Variants in GUCD1 observed in about 807,000 individuals in gnomAD.
GUCD1 encodes the protein protein GUCD1.
In GUCD1, 17 loss-of-function variants were observed where a neutral mutation model predicts 28.3. That is an observed-to-expected ratio of 0.60 (90% CI 0.41 to 0.90). GUCD1 has a LOEUF of 0.90. Among genes scored for constraint, GUCD1 ranks in the 40% least tolerant of loss-of-function variants. The pLI is 0.00. For synonymous variants in GUCD1, 129 were observed against 123.3 expected, an observed-to-expected ratio of 1.05 and a Z score of -0.30; for missense variants, 279 against 305.5, an observed-to-expected ratio of 0.91 and a Z score of 0.65.
intron 1 of GUCD1, among the ~76,000 whole-genome samples, chr22:24,550,451 C>G (rs116173816): frequency 6.6e-6 from 1 of 152,178 alleles, no homozygotes; most frequent in Non-Finnish European, 1.5e-5. Context: ...GACCCTCCTC[C>G]GTAGCCACCT....
At chr22:24,551,617 G>C (rs908498956) in intron 1 of GUCD1, among the ~76,000 whole-genome samples, 9 of 152,188 alleles carry the variant, frequency 5.9e-5, no homozygotes, top group African/African-American at 2.2e-4. Flanking sequence ...CTGTTCTCAA[G>C]GTTGTGTCCC....
chr22:24,555,296 C>A (rs963004251), upstream of GUCD1: 11 of 1,392,866 alleles, frequency 7.9e-6, no homozygotes, highest in African/African-American at 1.3e-4. Flanking sequence ...GTGGCCCCAC[C>A]CTCTCGCCCA....
At chr22:24,544,873 C>T (rs559152695) in intron 4 of GUCD1, among the ~76,000 whole-genome samples, 2 of 152,076 alleles carry the variant, frequency 1.3e-5, no homozygotes, top group South Asian at 4.2e-4. Context: ...ATTTACCAGG[C>T]GTGGGGCGTG....
At chr22:24,555,564 A>G, upstream of GUCD1, 1 of 1,538,528 alleles carries the variant, frequency 6.5e-7, no homozygotes, top group Non-Finnish European at 8.8e-7. Flanking sequence ...TCTACTCTAT[A>G]CCTAACTTTA....
At chr22:24,548,602 TC>T (rs1303788438) in intron 2 of GUCD1, among the ~76,000 whole-genome samples, 1 of 152,080 alleles carries the variant, frequency 6.6e-6, no homozygotes, top group Non-Finnish European at 1.5e-5. Context: ...CACCCCATTC[TC>T]CCAGGAGCCA....
rs759249277 is a variant in GUCD1, at chr22:24,543,082, C to G, written c.644G>C (p.Ser215Thr). The change falls in exon 6 of 6, where the codon AGC becomes ACC. Residue 215 changes from serine (S) to threonine (T), a missense_variant. Coordinates refer to ENST00000435822, the MANE Select transcript of GUCD1 (RefSeq NM_001284254.2). ...PAYADRMCST[S>T]ISNFEEARTS... ...TCTGGCCTCCTCAAAGTTACTGATG[C>G]TGGTGCTGCACATTCCTGCTGGGGG... The G allele has an allele frequency of 6.2e-7, 1 of 1,613,894 alleles. No homozygotes were observed. Among genetic ancestry groups the G allele is most frequent in the South Asian group, 1.1e-5 (1 of 91,082 alleles).
chr22:24,546,853 T>C, intron 4 of GUCD1, 61 bp downstream of exon 4: 1 of 1,422,622 alleles, frequency 7.0e-7, no homozygotes, highest in East Asian at 2.3e-5. Context: ...GCCTCCCCAC[T>C]GCAGATCTGT....
At chr22:24,549,099 C>T (rs1451516219) in intron 1 of GUCD1, 98 bp from the exon 2 acceptor site, 12 of 794,174 alleles carry the variant, frequency 1.5e-5, no homozygotes, top group Non-Finnish European at 2.5e-5. Context: ...CTAGACCCTG[C>T]AGGGGCTGCT....
upstream of GUCD1, chr22:24,555,388 T>A: frequency 8.3e-7 from 1 of 1,197,736 alleles, no homozygotes; most frequent in Non-Finnish European, 1.1e-6. Flanking sequence ...CCAAAGCTCG[T>A]GCATTTCCTG....
intron 1 of GUCD1, among the ~76,000 whole-genome samples, 162 bp downstream of exon 1, chr22:24,554,787 G>A (rs956683277): frequency 1.3e-5 from 2 of 151,958 alleles, no homozygotes; most frequent in Non-Finnish European, 2.9e-5. Context: ...GACAAGGGTC[G>A]CAATCCTGCG....
chr22:24,547,891 G>A lies in GUCD1; in HGVS notation c.294+17C>T. On this transcript the variant is annotated intron_variant, in intron 3 of 5. Coordinates refer to ENST00000435822, the MANE Select transcript of GUCD1 (RefSeq NM_001284254.2). ...TGTGTGGCCCCACATGGGAAGGCCTGGTGGCTGGTCGCTCACCTGGTTCTT... is the reference window on the plus strand; with the variant it reads ...TGTGTGGCCCCACATGGGAAGGCCTAGTGGCTGGTCGCTCACCTGGTTCTT... 3.1e-6 allele frequency: 5 copies of A among 1,613,528 alleles called. No homozygotes were observed. The highest frequency in any genetic ancestry group is 3.4e-6 in the Non-Finnish European group (4 of 1,179,680).
intron 4 of GUCD1, 40 bp from the exon 5 acceptor site, chr22:24,544,123 C>G: frequency 6.3e-7 from 1 of 1,591,068 alleles, no homozygotes; most frequent in Non-Finnish European, 8.6e-7. Flanking sequence ...TGCTGGGCCC[C>G]CATTCCCCAT....
At chr22:24,545,335 T>C (rs778674748) in intron 4 of GUCD1, among the ~76,000 whole-genome samples, 1 of 152,082 alleles carries the variant, frequency 6.6e-6, no homozygotes, top group South Asian at 2.1e-4. Flanking sequence ...ATTTCAGCTA[T>C]AGGGAAAAAG....
chr22:24,550,406 C>A (rs2044841330), intron 1 of GUCD1, among the ~76,000 whole-genome samples: 1 of 152,184 alleles, frequency 6.6e-6, no homozygotes. Flanking sequence ...TGTGCTAAGG[C>A]CCTGAGGTGG....
At chr22:24,555,855 G>T (rs144974630), upstream of GUCD1, 1 of 1,533,756 alleles carries the variant, frequency 6.5e-7, no homozygotes, top group Non-Finnish European at 8.8e-7. Context: ...CGGAACTATC[G>T]TACTGGTGCC....
At chr22:24,555,421 A>C, upstream of GUCD1, 1 of 1,172,024 alleles carries the variant, frequency 8.5e-7, no homozygotes, top group South Asian at 1.7e-5. Flanking sequence ...TCCCTTCGGC[A>C]AGCCCCGCCT....
chr22:24,543,012 G>T lies in GUCD1; in HGVS notation c.714C>A (p.Asp238Glu). The part of the protein sequence containing the change: ...TDEDILFVYL[D>E]S ...GCGCACCAGGCTCCTGCTGTCAGCT[G>T]TCCAAGTAGACAAAGAGGATGTCCT... The change falls in exon 6 of 6, where the codon GAC (aspartate) becomes GAA (glutamate). Residue 238 changes from aspartate to glutamate, a missense_variant. Coordinates refer to ENST00000435822, the MANE Select transcript of GUCD1 (RefSeq NM_001284254.2). The T allele has an allele frequency of 6.2e-7, 1 of 1,611,992 alleles. No homozygotes were observed. The highest frequency in any genetic ancestry group is 8.5e-7 in the Non-Finnish European group (1 of 1,178,060).
In GUCD1 at chr22:24,542,302, G is replaced by A. The variant is rs895542370; in HGVS notation, c.*704C>T. 2 of 152,314 alleles carry A rather than the reference G, an allele frequency of 1.3e-5. No homozygotes were observed. Among genetic ancestry groups the A allele is most frequent in the Admixed American group, 6.5e-5 (1 of 15,288 alleles). 9.4% of individuals were successfully genotyped at this position (152,314 alleles called of 1,614,324 possible). A position where few individuals can be genotyped will look rare whatever the true frequency, so the allele number is the denominator to read the frequency against. On this transcript the variant is annotated 3_prime_UTR_variant, in exon 6 of 6. Transcript: ENST00000435822. ...CTGCCAGCCACGAGGCCTACCAGTG[G>A]GATCTAGGCCCGAGAGCCCTCCATC...
At chr22:24,546,794 A>T in intron 4 of GUCD1, 120 bp downstream of exon 4, 1 of 870,294 alleles carries the variant, frequency 1.1e-6, no homozygotes, top group Non-Finnish European at 1.9e-6. Flanking sequence ...CCGGGTAGCC[A>T]GTTCTGCCTG....
Sources: gnomAD v4.1 joint callset for allele counts (sites outside exome capture counted in the v4.1 genomes callset) on GRCh38, gnomAD v4.1.1 for gene constraint, MANE v1.5 for transcripts, NCBI Gene and HGNC (gene_info 2026-07-23, HGNC 2026-07-21) for gene names.